Variants in EPG5 observed in about 807,000 individuals in gnomAD.
EPG5 encodes the protein ectopic P-granules 5 autophagy tethering factor, also known as ectopic P granules protein 5 homolog.
EPG5 carries 159 observed loss-of-function variants against 302.7 expected under a neutral mutation model. That is an observed-to-expected ratio of 0.53 (90% confidence interval 0.46 to 0.60). The LOEUF (loss-of-function observed/expected upper bound fraction) is 0.60, where lower values mean the gene tolerates loss of function less well. EPG5 is among the 20% of genes least tolerant of loss of function. The pLI is 0.00. For synonymous variants in EPG5, 1,158 were observed against 1,136.8 expected, an observed-to-expected ratio of 1.02 and a Z score of -0.37; for missense variants, 2,896 against 3,092.4, an observed-to-expected ratio of 0.94 and a Z score of 1.51.
rs896084337 is a variant in EPG5, at chr18:45,899,643, C to T, written c.4647-77G>A. The T allele has an allele frequency of 3.6e-5, 53 of 1,474,044 alleles. No homozygotes were observed. The African/African-American group carries it at 7.1e-4, about 20-fold the overall frequency. The allele number at this position is 1,474,044 out of a possible 1,614,324, so 91.3% of individuals were successfully genotyped here. A position where few individuals can be genotyped will look rare whatever the true frequency, so the allele number is the denominator to read the frequency against. On this transcript the variant is annotated intron_variant, in intron 26 of 43. Coordinates refer to ENST00000282041, the MANE Select transcript of EPG5 (RefSeq NM_020964.3). ...TAGGTGATAAAGGCTTCCAGTTACC[C>T]ACAGCCAGCATTATAGTGCAGCAAA...
the EPG5 span, among the ~76,000 whole-genome samples, chr18:45,824,930 A>G: frequency 6.6e-6 from 1 of 151,820 alleles, no homozygotes; most frequent in Non-Finnish European, 1.5e-5. Context: ...AGGGTTAGAG[A>G]GACTAGGAAG....
At chr18:45,881,848 G>A (rs2049105884) in intron 31 of EPG5, among the ~76,000 whole-genome samples, 1 of 152,126 alleles carries the variant, frequency 6.6e-6, no homozygotes, top group Non-Finnish European at 1.5e-5. Flanking sequence ...GACTTAGAAA[G>A]GAAAAACTCC....
chr18:45,952,350 A>T, intron 3 of EPG5, 50 bp downstream of exon 3: 1 of 1,583,256 alleles, frequency 6.3e-7, no homozygotes, highest in South Asian at 1.1e-5. Flanking sequence ...ATACCCCTCA[A>T]TTTTTTTTTA....
chr18:45,900,060 G>C (rs533073091), intron 26 of EPG5, among the ~76,000 whole-genome samples: 6 of 152,076 alleles, frequency 3.9e-5, no homozygotes, highest in Non-Finnish European at 5.9e-5. Flanking sequence ...CAACACACAC[G>C]CAACAAATGC....
intron 30 of EPG5, among the ~76,000 whole-genome samples, chr18:45,883,738 T>C (rs918820503): frequency 7.1e-6 from 1 of 141,754 alleles, no homozygotes; most frequent in Non-Finnish European, 1.5e-5. Flanking sequence ...GGATTACACA[T>C]AGGAGCCACT....
the EPG5 span, chr18:45,837,782 C>A: frequency 1.2e-5 from 19 of 1,523,654 alleles, no homozygotes; most frequent in Middle Eastern, 4.3e-4. Flanking sequence ...CCTCTCGCTG[C>A]GCGTCGAGCG....
the EPG5 span, among the ~76,000 whole-genome samples, chr18:45,822,714 T>G: frequency 2.6e-4 from 39 of 152,260 alleles, no homozygotes; most frequent in Non-Finnish European, 5.0e-4. Flanking sequence ...AATTAAAAAT[T>G]GAAGATTTTT....
chr18:45,950,327 C>T (rs1489515683), intron 4 of EPG5, among the ~76,000 whole-genome samples: 1 of 152,192 alleles, frequency 6.6e-6, no homozygotes, highest in East Asian at 1.9e-4. Flanking sequence ...TAGAATTCTT[C>T]TTCTCCATTG....
chr18:45,918,124 C>T (rs2050074199), intron 16 of EPG5, among the ~76,000 whole-genome samples: 1 of 152,130 alleles, frequency 6.6e-6, no homozygotes, highest in South Asian at 2.1e-4. Flanking sequence ...AGAGTGCTCT[C>T]TACTACCATA....
intron 27 of EPG5, among the ~76,000 whole-genome samples, chr18:45,894,407 T>C (rs1248886006): frequency 6.6e-6 from 1 of 151,788 alleles, no homozygotes; most frequent in Non-Finnish European, 1.5e-5. Context: ...ATGCAGTGAG[T>C]GCCACTGCAC....
chr18:45,869,092 T>A (rs1434569162), intron 36 of EPG5, among the ~76,000 whole-genome samples: 1 of 151,822 alleles, frequency 6.6e-6, no homozygotes, highest in Non-Finnish European at 1.5e-5. Flanking sequence ...GGAACAGATG[T>A]ACTATAAAGT....
intron 25 of EPG5, 64 bp from the exon 26 acceptor site, chr18:45,901,231 G>A: frequency 5.0e-6 from 7 of 1,413,088 alleles, no homozygotes; most frequent in Non-Finnish European, 6.9e-6. Flanking sequence ...ACAGAAGCAT[G>A]TGGTACAATT....
At position 45,916,536 on chromosome 18, in the gene EPG5, G is replaced by A. The variant is rs199524137; in HGVS notation, c.3286C>T (p.Pro1096Ser). The stretch of plus-strand genomic sequence containing the variant: ...GTGACCTGTTGTGTGACACCCTGAG[G>A]GACACCGCTGTCCAAGTGTAGGAAC... The part of the protein sequence containing the change: ...LLFLHLDSGV[P>S]QGVTQQVTHK... The change falls in exon 18 of 44, where the codon CCT becomes TCT. Residue 1096 changes from proline to serine, a missense_variant. Pro to Ser is a moderately conservative substitution (Grantham distance 74). Transcript: ENST00000282041. 41 of 1,611,920 alleles carry A rather than the reference G, an allele frequency of 2.5e-5. No homozygotes were observed. Among genetic ancestry groups the A allele is most frequent in the Admixed American group, 2.0e-4 (12 of 59,962 alleles).
the EPG5 span, chr18:45,836,945 C>T: frequency 2.5e-6 from 2 of 786,724 alleles, no homozygotes; most frequent in Non-Finnish European, 2.3e-6. Context: ...TGGCCTCATG[C>T]TGGCAGTGTG....
rs901625131 is a variant in EPG5, at chr18:45,964,097, T to C, written c.63+3080A>G. Reference sequence around the variant, plus strand: ...AAAAAAAAATTAATGTATGTTTGTATAGGAAAGTTGCCTAAGATGGATAAA... The same window carrying C: ...AAAAAAAAATTAATGTATGTTTGTACAGGAAAGTTGCCTAAGATGGATAAA... On this transcript the variant is annotated intron_variant, in intron 1 of 43. Coordinates refer to ENST00000282041, the MANE Select transcript of EPG5 (RefSeq NM_020964.3). Among the ~76,000 whole-genome samples the C allele has an allele frequency of 6.6e-5, 10 of 152,338 alleles. No individual in the cohort carries two copies. In the East Asian group the frequency reaches 7.7e-4, roughly 12 times the overall value.
chr18:45,877,430 T>A (rs1321360042), intron 34 of EPG5, among the ~76,000 whole-genome samples: 1 of 152,012 alleles, frequency 6.6e-6, no homozygotes, highest in African/African-American at 2.4e-5. Flanking sequence ...AAAAAAATTT[T>A]TTTTTATTTT....
the EPG5 span, chr18:45,842,244 G>C: frequency 6.3e-7 from 1 of 1,585,434 alleles, no homozygotes; most frequent in Admixed American, 1.7e-5. Context: ...AGGCCAGTGC[G>C]AGGCTTGGCT....
intron 12 of EPG5, among the ~76,000 whole-genome samples, chr18:45,929,417 C>T (rs1295277480): frequency 6.6e-6 from 1 of 152,218 alleles, no homozygotes; most frequent in African/African-American, 2.4e-5. Context: ...CCTTCTAAAA[C>T]ATTGTTTACC....
intron 42 of EPG5, 28 bp from the exon 43 acceptor site, chr18:45,855,715 A>G: frequency 7.0e-7 from 1 of 1,430,066 alleles, no homozygotes. Context: ...GGTCAGAAGA[A>G]GTAAATGGCT....
Sources: allele counts gnomAD v4.1 joint callset (sites outside exome capture counted in the v4.1 genomes callset), GRCh38; gene constraint gnomAD v4.1.1; transcripts MANE v1.5; gene names NCBI Gene and HGNC (gene_info 2026-07-23, HGNC 2026-07-21).